TEX26: variants seen among roughly 807,000 people sequenced by gnomAD.
TEX26 encodes testis expressed 26.
Under a neutral mutation model 35.3 loss-of-function variants are expected in TEX26, and 34 were observed. The observed-to-expected ratio is 0.96, with a 90% CI of 0.73 to 1.28. TEX26 has a LOEUF of 1.28. Ranked by LOEUF, TEX26 falls within the 50% of genes most tolerant of loss-of-function variation. TEX26 has a pLI of 0.00. For synonymous variants in TEX26, 136 were observed against 111.8 expected (o/e 1.22, Z -1.36); for missense variants, 371 against 330.1 (o/e 1.12, Z -0.96).
In TEX26 at chr13:30,939,735, A is replaced by G; in HGVS notation, c.103A>G (p.Thr35Ala). Residue 35 changes from threonine to alanine, a missense_variant, in exon 2 of 7, where the codon ACT (threonine) becomes GCT (alanine). Thr to Ala is a moderately conservative substitution (Grantham distance 58). Transcript: ENST00000380473. ...GGATTCCTATGCTACCACTATGAGG[A>G]CTGCATTCACGCCTAAAACAGGAGC... ...NWDSYATTMR[T>A]AFTPKTGAVP... The G allele has an allele frequency of 6.2e-7, 1 of 1,614,120 alleles. No individual in the cohort carries two copies. Among genetic ancestry groups the G allele is most frequent in the African/African-American group, 1.3e-5 (1 of 75,052 alleles).
chr13:30,960,615 A>G (rs1380917140), intron 4 of TEX26, among the ~76,000 whole-genome samples: 1 of 152,214 alleles, frequency 6.6e-6, no homozygotes, highest in Non-Finnish European at 1.5e-5. Context: ...TTAATTTCTA[A>G]GCTCTCTTTC....
chr13:30,952,909 A>C, intron 3 of TEX26, 84 bp downstream of exon 3: 1 of 1,198,474 alleles, frequency 8.3e-7, no homozygotes, highest in East Asian at 2.6e-5. Context: ...ATATGTCACA[A>C]AGATCTCTCA....
chr13:30,956,545 C>G (rs1954138858), intron 3 of TEX26, among the ~76,000 whole-genome samples: 1 of 152,096 alleles, frequency 6.6e-6, no homozygotes, highest in Non-Finnish European at 1.5e-5. Flanking sequence ...TGCCTGTGCT[C>G]CTTGGGAATG....
chr13:30,971,449 G>A (rs559304885), intron 6 of TEX26, among the ~76,000 whole-genome samples: 1 of 152,136 alleles, frequency 6.6e-6, no homozygotes, highest in Non-Finnish European at 1.5e-5. Flanking sequence ...TACAGAGAGA[G>A]AGAAAGGGAA....
intron 6 of TEX26, among the ~76,000 whole-genome samples, chr13:30,971,735 A>G (rs530536334): frequency 8.5e-5 from 13 of 152,316 alleles, no homozygotes; most frequent in African/African-American, 3.1e-4. Flanking sequence ...AATTGTTTTA[A>G]TCTCTGAGTC....
chr13:30,951,597 C>T lies in TEX26; in HGVS notation c.147-1063C>T, dbSNP rs1031583366. Among the ~76,000 whole-genome samples the T allele has an allele frequency of 3.9e-5, 6 of 152,268 alleles. 1 individual carries two copies. Among genetic ancestry groups the T allele is most frequent in the East Asian group, 1.9e-4 (1 of 5,182 alleles). The stretch of plus-strand genomic sequence containing the variant: ...ATCCCCCACTATGACCCAGCAACAG[C>T]AATCATCACTCGTTAGATACTGTTA... On this transcript the variant is annotated intron_variant, in intron 2 of 6. Coordinates refer to ENST00000380473, the MANE Select transcript of TEX26 (RefSeq NM_152325.3).
intron 4 of TEX26, among the ~76,000 whole-genome samples, chr13:30,964,108 G>A (rs747870531): frequency 1.3e-5 from 2 of 152,068 alleles, no homozygotes; most frequent in South Asian, 2.1e-4. Flanking sequence ...CTGCCTTTTC[G>A]TCCTTGTCAT....
At chr13:30,964,710 A>T (rs1170286008) in intron 4 of TEX26, among the ~76,000 whole-genome samples, 1 of 152,242 alleles carries the variant, frequency 6.6e-6, no homozygotes, top group African/African-American at 2.4e-5. Context: ...GGAAGCCAAG[A>T]GCATAGTACT....
At chr13:30,963,797 T>C (rs1954433972) in intron 4 of TEX26, among the ~76,000 whole-genome samples, 1 of 152,202 alleles carries the variant, frequency 6.6e-6, no homozygotes, top group Non-Finnish European at 1.5e-5. Flanking sequence ...AGTGTTATGG[T>C]TGTAAGGCTC....
intron 3 of TEX26, among the ~76,000 whole-genome samples, chr13:30,956,411 A>C (rs1404720107): frequency 6.6e-6 from 1 of 151,874 alleles, no homozygotes; most frequent in Non-Finnish European, 1.5e-5. Context: ...AATCCAGTCT[A>C]TCATTGTTGG....
intron 2 of TEX26, among the ~76,000 whole-genome samples, chr13:30,946,963 C>T (rs369716442): frequency 1.3e-5 from 2 of 152,090 alleles, no homozygotes; most frequent in African/African-American, 4.8e-5. Flanking sequence ...AACTCTCATT[C>T]CCACTCCACT....
chr13:30,961,871 T>A (rs1485983880), intron 4 of TEX26, among the ~76,000 whole-genome samples: 1 of 152,226 alleles, frequency 6.6e-6, no homozygotes, highest in East Asian at 1.9e-4. Flanking sequence ...TTTTGACTCC[T>A]TCTCTCTGGT....
intron 1 of TEX26, 75 bp from the exon 2 acceptor site, chr13:30,939,619 T>A: frequency 7.4e-7 from 1 of 1,354,846 alleles, no homozygotes. Context: ...TGCAAAATTA[T>A]CTTAATTGTT....
At chr13:30,974,786 A>C in intron 6 of TEX26, 60 bp from the exon 7 acceptor site, 1 of 1,458,640 alleles carries the variant, frequency 6.9e-7, no homozygotes, top group Non-Finnish European at 9.1e-7. Context: ...AGAATTTCCC[A>C]ATTTATCATT....
intron 5 of TEX26, among the ~76,000 whole-genome samples, chr13:30,967,641 A>C (rs973783914): frequency 6.6e-6 from 1 of 152,110 alleles, no homozygotes; most frequent in Non-Finnish European, 1.5e-5. Flanking sequence ...TGGTTCCTCC[A>C]TTTGGCCAAT....
intron 5 of TEX26, 61 bp downstream of exon 5, chr13:30,966,459 C>T (rs35840435): frequency 0.092 from 103,570 of 1,130,360 alleles, 5,111 homozygotes; most frequent in Non-Finnish European, 0.1. Flanking sequence ...TTTTTTGAGA[C>T]GGAGTTTCCC....
chr13:30,946,182 T>A (rs1646639405), intron 2 of TEX26, among the ~76,000 whole-genome samples: 1 of 151,780 alleles, frequency 6.6e-6, no homozygotes, highest in Non-Finnish European at 1.5e-5. Context: ...TTGTCTGGGT[T>A]AATTCAAAAG....
At chr13:30,935,728 TG>T (rs1480044730) in intron 1 of TEX26, among the ~76,000 whole-genome samples, 1 of 152,214 alleles carries the variant, frequency 6.6e-6, no homozygotes, top group Non-Finnish European at 1.5e-5. Context: ...GCTGAACACT[TG>T]ACCGGATGAC....
rs188970628 is a variant in TEX26 at position 30,965,667 on chromosome 13, C to G, written c.470-555C>G. Among the ~76,000 whole-genome samples the G allele has an allele frequency of 2.4e-4, 37 of 152,124 alleles. No homozygotes were observed. In the East Asian group the frequency reaches 5.0e-3, roughly 21 times the overall value. ...TAGCAGAGATATTTCAAAGAAATAA[C>G]AGTGGTGCTATCCACTAATGCAGTG... is the stretch of plus-strand genomic sequence containing the variant. On this transcript the variant is annotated intron_variant, in intron 4 of 6. Transcript: ENST00000380473.
Sources: allele counts gnomAD v4.1 joint callset (sites outside exome capture counted in the v4.1 genomes callset), GRCh38; gene constraint gnomAD v4.1.1; transcripts MANE v1.5; gene names NCBI Gene and HGNC (gene_info 2026-07-23, HGNC 2026-07-21).